Variants in SMIM28 observed in about 807,000 individuals in gnomAD.
SMIM28 encodes small integral membrane protein 28.
intron 1 of SMIM28, among the ~76,000 whole-genome samples, chr6:138,380,622 C>T (rs1774300258): frequency 6.6e-6 from 1 of 151,934 alleles, no homozygotes; most frequent in African/African-American, 2.4e-5. Flanking sequence ...AAAAAATTAG[C>T]CGGGTGTGGT....
At position 138,383,237 on chromosome 6, in the gene SMIM28, C is replaced by T; in HGVS notation, c.*390C>T. ...GCAAGAAAAAAAACTCTGGACCAGC[C>T]AAAGGTAACTACTTTTGCCACCAAA... On this transcript the variant is annotated 3_prime_UTR_variant, in exon 2 of 2. Transcript: ENST00000573100. Among the ~76,000 whole-genome samples the T allele has an allele frequency of 6.6e-6, 1 of 151,798 alleles. No homozygotes were observed. Among genetic ancestry groups the T allele is most frequent in the East Asian group, 1.9e-4 (1 of 5,194 alleles).
chr6:138,383,126 T>G lies in SMIM28; in HGVS notation c.*279T>G. The G allele has an allele frequency of 4.3e-6, 1 of 233,648 alleles. No individual in the cohort carries two copies. The highest frequency in any genetic ancestry group is 8.0e-6 in the Non-Finnish European group (1 of 125,546). 14.5% of individuals were successfully genotyped at this position (233,648 alleles called of 1,614,324 possible). A position where few individuals can be genotyped will look rare whatever the true frequency, so the allele number is the denominator to read the frequency against. On this transcript the variant is annotated 3_prime_UTR_variant, in exon 2 of 2. Transcript: ENST00000573100. ...TGCACTCTCCTAAAATGTATAACAC[T>G]CCTGAGAAAAAAAGGAAAGTTCTAT...
At chr6:138,381,458 T>A (rs1774311261) in intron 1 of SMIM28, among the ~76,000 whole-genome samples, 2 of 152,300 alleles carry the variant, frequency 1.3e-5, no homozygotes, top group Admixed American at 1.3e-4. Flanking sequence ...TGTTTAAGCA[T>A]CATTTCATGC....
In SMIM28 at chr6:138,382,745, C is replaced by T. The variant is rs1774329806; in HGVS notation, c.357C>T (p.Pro119=). ...SSEDFPYSPL[P]PEATLPSQCL... The stretch of plus-strand genomic sequence containing the variant: ...AGGACTTCCCCTACTCCCCACTGCC[C>T]CCGGAGGCCACTCTCCCCTCCCAGT... The change falls in exon 2 of 2, where the codon CCC becomes CCT. Residue 119 remains proline (P), a synonymous_variant. Transcript: ENST00000573100. 5 of 398,536 alleles carry T rather than the reference C, an allele frequency of 1.3e-5. No individual in the cohort carries two copies. Among genetic ancestry groups the T allele is most frequent in the Non-Finnish European group, 2.2e-5 (5 of 226,144 alleles). 24.7% of individuals were successfully genotyped at this position (398,536 alleles called of 1,614,324 possible).
In SMIM28 at chr6:138,378,090, C is replaced by T. The variant is rs1774274536; in HGVS notation, c.18C>T (p.Gly6=). The change falls in exon 1 of 2, where the codon GGC becomes GGT. Residue 6 remains glycine (G), a synonymous_variant. Transcript: ENST00000573100. ...ATGAAAACATGCGGGGACTGCTGGG[C>T]AGCAGCTGGAAGAAGTTTGGACATG... MRGLL[G]SSWKKFGHAG... 5.0e-6 allele frequency: 2 copies of T among 398,724 alleles called. No homozygotes were observed. Among genetic ancestry groups the T allele is most frequent in the Admixed American group, 8.8e-5 (2 of 22,726 alleles). 24.7% of individuals were successfully genotyped at this position (398,724 alleles called of 1,614,324 possible).
chr6:138,382,396 C>CA (rs59155652), intron 1 of SMIM28, 104 bp from the exon 2 acceptor site: 6,035 of 146,218 alleles, frequency 0.041, 16 homozygotes, highest in East Asian at 0.052. Context: ...GACTGTGTCT[C>CA]AAAAAAAAAA....
At chr6:138,380,791 T>G (rs1774303867) in intron 1 of SMIM28, among the ~76,000 whole-genome samples, 1 of 136,650 alleles carries the variant, frequency 7.3e-6, no homozygotes, top group Non-Finnish European at 1.6e-5. Flanking sequence ...CATAAATAAA[T>G]GCAGGCTAGA....
chr6:138,380,722 G>A (rs1001717025), intron 1 of SMIM28, among the ~76,000 whole-genome samples: 1 of 151,830 alleles, frequency 6.6e-6, no homozygotes, highest in Non-Finnish European at 1.5e-5. Context: ...AGCCGAGATC[G>A]CACCACTGCA....
chr6:138,379,141 A>G (rs1562232019), intron 1 of SMIM28, among the ~76,000 whole-genome samples: 1 of 152,214 alleles, frequency 6.6e-6, no homozygotes. Context: ...AATATAACAT[A>G]AATAATTAAA....
rs182109375 is a variant in SMIM28, at chr6:138,377,934, T to G, written c.-139T>G. ...TCTCTGGTTGGTTTCTTTCCCCTGT[T>G]GCCATTCATCAGAGGACGAGTTTAC... On this transcript the variant is annotated 5_prime_UTR_variant, in exon 1 of 2. Coordinates refer to ENST00000573100, the MANE Select transcript of SMIM28 (RefSeq NM_001368163.3). The G allele has an allele frequency of 1.8e-5, 7 of 395,904 alleles. No homozygotes were observed. The East Asian group carries it at 2.1e-4, about 12-fold the overall frequency. The allele number at this position is 395,904 out of a possible 1,614,324, so 24.5% of individuals were successfully genotyped here. A position where few individuals can be genotyped will look rare whatever the true frequency, so the allele number is the denominator to read the frequency against.
intron 1 of SMIM28, among the ~76,000 whole-genome samples, chr6:138,380,507 C>T (rs1774298932): frequency 6.6e-6 from 1 of 152,168 alleles, no homozygotes; most frequent in Non-Finnish European, 1.5e-5. Context: ...GTGGCTCATG[C>T]CTGTAATCCC....
chr6:138,380,927 G>T (rs1160383551), intron 1 of SMIM28, among the ~76,000 whole-genome samples: 1 of 151,380 alleles, frequency 6.6e-6, no homozygotes, highest in African/African-American at 2.4e-5. Context: ...TTTTGAGACG[G>T]AGTCTCACTT....
Position 138,382,722 on chromosome 6 carries a change from G to A in SMIM28, c.334G>A (p.Asp112Asn), listed in dbSNP as rs1273249135. Residue 112 changes from aspartate (D) to asparagine (N), a missense_variant, in exon 2 of 2, where the codon GAC (aspartate) becomes AAC (asparagine). By Grantham distance (23) the Asp-to-Asn change is conservative. Coordinates refer to ENST00000573100, the MANE Select transcript of SMIM28 (RefSeq NM_001368163.3). ...LLPGLAWSSEDFPYSPLPPEA... is the reference protein window; with the variant it reads ...LLPGLAWSSENFPYSPLPPEA... ...GCCCGGCCTGGCCTGGAGCAGTGAG[G>A]ACTTCCCCTACTCCCCACTGCCCCC... 7 of 398,672 alleles carry A rather than the reference G, an allele frequency of 1.8e-5. No individual in the cohort carries two copies. Among genetic ancestry groups the A allele is most frequent in the Admixed American group, 4.4e-5 (1 of 22,720 alleles). 24.7% of individuals were successfully genotyped at this position (398,672 alleles called of 1,614,324 possible). A position where few individuals can be genotyped will look rare whatever the true frequency, so the allele number is the denominator to read the frequency against.
rs914201369 is a variant in SMIM28, at chr6:138,381,908, C to T, written c.112-592C>T. ...AAAATTTATTTCAATATTTTTACTT[C>T]GTGGAAATTTTGTAAGATCTCATCA... On this transcript the variant is annotated intron_variant, in intron 1 of 1. Coordinates refer to ENST00000573100, the MANE Select transcript of SMIM28 (RefSeq NM_001368163.3). Among the ~76,000 whole-genome samples the T allele has an allele frequency of 3.9e-5, 6 of 152,272 alleles. No homozygotes were observed. The South Asian group carries it at 1.0e-3, about 26-fold the overall frequency.
Position 138,382,641 on chromosome 6 carries a change from G to T in SMIM28, c.253G>T (p.Val85Leu), listed in dbSNP as rs1364505557. Reference protein sequence around the residue: ...RCKSPPPQGQVFSIDLPEHPP... With the variant: ...RCKSPPPQGQLFSIDLPEHPP... ...CAAGTCCCCACCGCCCCAGGGGCAG[G>T]TGTTCAGCATTGACCTACCAGAGCA... is the stretch of plus-strand genomic sequence containing the variant. Residue 85 changes from valine (V) to leucine (L), a missense_variant, in exon 2 of 2, where the codon GTG becomes TTG. Physicochemically the swap from Val to Leu is conservative, Grantham distance 32 (BLOSUM62 1). Coordinates refer to ENST00000573100, the MANE Select transcript of SMIM28 (RefSeq NM_001368163.3). The T allele has an allele frequency of 7.5e-6, 3 of 398,706 alleles. No homozygotes were observed. Among genetic ancestry groups the T allele is most frequent in the Non-Finnish European group, 1.3e-5 (3 of 226,340 alleles). The allele number at this position is 398,706 out of a possible 1,614,324, so 24.7% of individuals were successfully genotyped here.
Position 138,383,127 on chromosome 6 carries a change from C to G in SMIM28, c.*280C>G, listed in dbSNP as rs1774336631. 2 of 260,364 alleles carry G rather than the reference C, an allele frequency of 7.7e-6. No individual in the cohort carries two copies. The highest frequency in any genetic ancestry group is 1.4e-5 in the Non-Finnish European group (2 of 139,676). 16.1% of individuals were successfully genotyped at this position (260,364 alleles called of 1,614,324 possible). A position where few individuals can be genotyped will look rare whatever the true frequency, so the allele number is the denominator to read the frequency against. On this transcript the variant is annotated 3_prime_UTR_variant, in exon 2 of 2. Transcript: ENST00000573100. ...GCACTCTCCTAAAATGTATAACACT[C>G]CTGAGAAAAAAAGGAAAGTTCTATG...
At chr6:138,382,373 G>C (rs1275068944) in intron 1 of SMIM28, 127 bp from the exon 2 acceptor site, 3 of 379,768 alleles carry the variant, frequency 7.9e-6, no homozygotes, top group Non-Finnish European at 1.4e-5. Flanking sequence ...CTCCAGCCTG[G>C]GTGACGGAGC....
intron 1 of SMIM28, among the ~76,000 whole-genome samples, chr6:138,380,460 A>T (rs1285107711): frequency 6.6e-6 from 1 of 152,262 alleles, no homozygotes; most frequent in African/African-American, 2.4e-5. Context: ...TTATACAAAC[A>T]TCTAGCATTA....
intron 1 of SMIM28, among the ~76,000 whole-genome samples, chr6:138,380,862 G>A (rs1359742773): frequency 2.6e-5 from 4 of 151,980 alleles, no homozygotes; most frequent in African/African-American, 9.7e-5. Flanking sequence ...CCAAAATCAA[G>A]GAGTGAACCT....
Sources: allele counts gnomAD v4.1 joint callset (sites outside exome capture counted in the v4.1 genomes callset), GRCh38; gene constraint gnomAD v4.1.1; transcripts MANE v1.5; gene names NCBI Gene and HGNC (gene_info 2026-07-23, HGNC 2026-07-21).